MAST2: variants seen among roughly 807,000 people sequenced by gnomAD.
MAST2 encodes microtubule-associated serine/threonine-protein kinase 2.
MAST2 carries 70 observed loss-of-function variants against 147.4 expected under a neutral mutation model. The observed-to-expected ratio is 0.47, with a 90% confidence interval of 0.39 to 0.58. MAST2 has a LOEUF of 0.58. Ranked by LOEUF, MAST2 falls within the 20% of genes least tolerant of loss-of-function variation. MAST2 has a pLI of 0.00. For synonymous variants in MAST2, 869 were observed against 896.8 expected, an observed-to-expected ratio of 0.97 and a Z score of 0.55; for missense variants, 2,080 against 2,302.3, an observed-to-expected ratio of 0.90 and a Z score of 1.98.
chr1:45,942,762 A>T (rs1657488276), intron 4 of MAST2, among the ~76,000 whole-genome samples: 1 of 152,240 alleles, frequency 6.6e-6, no homozygotes, highest in South Asian at 2.1e-4. Flanking sequence ...GATAAGAATG[A>T]TCTCCAGTGA....
At chr1:45,906,847 A>G (rs1401101772) in intron 4 of MAST2, among the ~76,000 whole-genome samples, 1 of 151,906 alleles carries the variant, frequency 6.6e-6, no homozygotes, top group African/African-American at 2.4e-5. Context: ...TAGTCATGCA[A>G]ACCCCACTCA....
At chr1:45,931,349 A>T (rs1048344319) in intron 4 of MAST2, among the ~76,000 whole-genome samples, 3 of 149,426 alleles carry the variant, frequency 2.0e-5, no homozygotes, top group Admixed American at 6.7e-5. Context: ...TTTGGCAGAA[A>T]TATCACAAAA....
intron 9 of MAST2, among the ~76,000 whole-genome samples, chr1:46,009,526 G>A (rs1192910512): frequency 6.6e-6 from 1 of 152,188 alleles, no homozygotes; most frequent in African/African-American, 2.4e-5. Context: ...TGAAGAAGGA[G>A]GCAGAACAAA....
At chr1:45,963,998 G>A (rs1005393139) in intron 5 of MAST2, among the ~76,000 whole-genome samples, 1 of 152,184 alleles carries the variant, frequency 6.6e-6, no homozygotes, top group Admixed American at 6.5e-5. Context: ...CTTTGGTTCT[G>A]TTTATATGCT....
intron 4 of MAST2, among the ~76,000 whole-genome samples, chr1:45,951,517 A>T (rs764011698): frequency 3.3e-5 from 5 of 152,200 alleles, no homozygotes; most frequent in Non-Finnish European, 7.3e-5. Flanking sequence ...CAGGAAATAG[A>T]GGCAACAGTG....
chr1:45,956,607 T>C (rs1434565079), intron 4 of MAST2, among the ~76,000 whole-genome samples: 1 of 152,216 alleles, frequency 6.6e-6, no homozygotes, highest in Non-Finnish European at 1.5e-5. Context: ...TGTCACAAAG[T>C]ATGCAAGCAT....
intron 11 of MAST2, 35 bp from the exon 12 acceptor site, chr1:46,021,913 ATC>A (rs768704404): frequency 1.9e-6 from 3 of 1,610,356 alleles, no homozygotes; most frequent in African/African-American, 2.7e-5. Context: ...TTTCGCTTAT[ATC>A]TGTCACCACT....
chr1:45,887,126 C>T (rs61300244), intron 4 of MAST2, among the ~76,000 whole-genome samples: 1,547 of 152,286 alleles, frequency 0.01, 27 homozygotes, highest in African/African-American at 0.035. Flanking sequence ...CAATGCCTGG[C>T]GACTGTTTAT....
Position 46,023,399 on chromosome 1 carries a change from C to G in MAST2, c.1571+81C>G. On this transcript the variant is annotated intron_variant, in intron 14 of 28. Coordinates refer to ENST00000361297, the MANE Select transcript of MAST2 (RefSeq NM_015112.3). This position sits in a 1 kb window ranked among gnomAD's most constrained non-coding sequence, Gnocchi z 4.9. ...CTTCCATGTGAGAGTGTATGCTGCC[C>G]AGTCCTCTGGGCAGATGCCTCGGGG... 1 of 1,342,428 alleles carries G rather than the reference C, an allele frequency of 7.4e-7. No individual in the cohort carries two copies. The highest frequency in any genetic ancestry group is 1.1e-6 in the Non-Finnish European group (1 of 935,180). The allele number at this position is 1,342,428 out of a possible 1,614,324, so 83.2% of individuals were successfully genotyped here.
chr1:45,889,025 G>T (rs987201221), intron 4 of MAST2, among the ~76,000 whole-genome samples: 1 of 152,004 alleles, frequency 6.6e-6, no homozygotes, highest in African/African-American at 2.4e-5. Flanking sequence ...GATAGTCACA[G>T]CCATTGTAAT....
chr1:46,002,003 C>A (rs1375328871), intron 6 of MAST2, among the ~76,000 whole-genome samples: 2 of 152,194 alleles, frequency 1.3e-5, no homozygotes, highest in Non-Finnish European at 2.9e-5. Context: ...GAATACACCA[C>A]ATCCCACAGT....
intron 5 of MAST2, among the ~76,000 whole-genome samples, chr1:45,969,450 CTACATTTGTATT>C (rs1229711612): frequency 6.6e-6 from 1 of 152,092 alleles, no homozygotes; most frequent in Non-Finnish European, 1.5e-5. Context: ...TCAAGTGAAG[CTACATTTGTATT>C]TACAGCCGCT....
chr1:45,999,733 G>C (rs1008448370), intron 6 of MAST2, among the ~76,000 whole-genome samples: 1 of 152,148 alleles, frequency 6.6e-6, no homozygotes, highest in Non-Finnish European at 1.5e-5. Flanking sequence ...TCCTCAGAGA[G>C]GCCTTCCCTA....
At chr1:45,808,184 G>C (rs149932716) in intron 1 of MAST2, among the ~76,000 whole-genome samples, 8 of 152,246 alleles carry the variant, frequency 5.3e-5, no homozygotes, top group African/African-American at 1.9e-4. Context: ...GCTTCTCTCT[G>C]TATCTTTCCT....
chr1:45,912,691 C>A (rs1397268893), intron 4 of MAST2, among the ~76,000 whole-genome samples: 3 of 152,192 alleles, frequency 2.0e-5, no homozygotes, highest in Non-Finnish European at 4.4e-5. Flanking sequence ...TTCTCTTTGG[C>A]TCTCTTAGCT....
chr1:45,842,185 T>C (rs960416783), intron 3 of MAST2, among the ~76,000 whole-genome samples: 1 of 152,186 alleles, frequency 6.6e-6, no homozygotes, highest in African/African-American at 2.4e-5. Context: ...CCACTGTACC[T>C]GGCTGTTACT....
intron 3 of MAST2, among the ~76,000 whole-genome samples, chr1:45,879,251 C>T (rs887357121): frequency 6.6e-6 from 1 of 152,066 alleles, no homozygotes; most frequent in Non-Finnish European, 1.5e-5. Context: ...ATCTCACATA[C>T]TACCTCAAAA....
chr1:45,878,188 A>G (rs1364965786), intron 3 of MAST2, among the ~76,000 whole-genome samples: 1 of 138,560 alleles, frequency 7.2e-6, no homozygotes, highest in Non-Finnish European at 1.5e-5. Context: ...TGGGTGATGG[A>G]GCAAGGCTCT....
chr1:45,997,834 C>A, intron 6 of MAST2, 35 bp downstream of exon 6: 1 of 1,550,992 alleles, frequency 6.4e-7, no homozygotes, highest in South Asian at 1.1e-5. Context: ...GGGACCAGCA[C>A]ATGTGGCACT....
Sources: gnomAD v4.1 joint callset for allele counts (sites outside exome capture counted in the v4.1 genomes callset) on GRCh38, gnomAD v4.1.1 for gene constraint, Gnocchi (gnomAD v3.1) non-coding constraint, MANE v1.5 for transcripts, NCBI Gene and HGNC (gene_info 2026-07-23, HGNC 2026-07-21) for gene names.